Variants in CEP57 observed in about 807,000 individuals in gnomAD.
CEP57 encodes centrosomal protein of 57 kDa.
Under a neutral mutation model 68.0 loss-of-function variants are expected in CEP57, and 40 were observed. That is an observed-to-expected ratio of 0.59 (90% CI 0.46 to 0.77). The LOEUF (loss-of-function observed/expected upper bound fraction) is 0.77, where lower values mean the gene tolerates loss of function less well. CEP57 is among the 30% of genes least tolerant of loss of function. The pLI is 0.00. For missense variants in CEP57, 606 were observed against 580.7 expected (o/e 1.04, Z -0.45); for synonymous variants, 219 against 198.7 (o/e 1.10, Z -0.86).
intron 1 of CEP57, among the ~76,000 whole-genome samples, chr11:95,798,685 T>C (rs969778455): frequency 1.1e-4 from 16 of 152,248 alleles, no homozygotes; most frequent in African/African-American, 3.6e-4. Context: ...AATGGTGTAC[T>C]GTGGAAATAA....
intron 2 of CEP57, among the ~76,000 whole-genome samples, chr11:95,799,599 G>C (rs1275807491): frequency 6.6e-6 from 1 of 152,104 alleles, no homozygotes; most frequent in Non-Finnish European, 1.5e-5. Flanking sequence ...AAAACACTTT[G>C]AGTCATCAGT....
chr11:95,817,281 G>A (rs975597678), intron 4 of CEP57, among the ~76,000 whole-genome samples: 2 of 151,900 alleles, frequency 1.3e-5, no homozygotes, highest in African/African-American at 4.8e-5. Flanking sequence ...GCAGGAGAAT[G>A]GCATGAACCT....
intron 4 of CEP57, among the ~76,000 whole-genome samples, chr11:95,816,688 C>T (rs1205770457): frequency 1.3e-5 from 2 of 152,090 alleles, no homozygotes; most frequent in Non-Finnish European, 2.9e-5. Flanking sequence ...TTGCTGTAGC[C>T]TTATTTTGAA....
rs1327582682 is a variant in CEP57 at position 95,832,118 on chromosome 11, G to A, written c.*862G>A. On this transcript the variant is annotated 3_prime_UTR_variant, in exon 11 of 11. Transcript: ENST00000325542. ...CTTTTACTGGTGTACAGTATGAGTG[G>A]AATATAAACTGTACACATAATTATC... 6.6e-6 allele frequency: 1 copy of A among 151,998 alleles called. No individual in the cohort carries two copies. The highest frequency in any genetic ancestry group is 2.4e-5 in the African/African-American group (1 of 41,382). 9.4% of individuals were successfully genotyped at this position (151,998 alleles called of 1,614,324 possible).
chr11:95,790,424 G>T, upstream of CEP57: 1 of 545,514 alleles, frequency 1.8e-6, no homozygotes, highest in Non-Finnish European at 3.3e-6. Context: ...GGGAAGAGGC[G>T]GATTCTCTCC....
intron 2 of CEP57, among the ~76,000 whole-genome samples, chr11:95,811,148 C>T (rs900533870): frequency 7.2e-5 from 11 of 152,078 alleles, no homozygotes; most frequent in Middle Eastern, 3.2e-3. Flanking sequence ...ATGTTTATTG[C>T]GGCACGGTTC....
chr11:95,818,041 A>C (rs1188610420), intron 5 of CEP57, 138 bp downstream of exon 5: 1 of 661,112 alleles, frequency 1.5e-6, no homozygotes, highest in Non-Finnish European at 2.7e-6. Context: ...TTAAAAAGAA[A>C]ATATAAATTT....
chr11:95,829,864 T>G (rs1322895661), intron 10 of CEP57, among the ~76,000 whole-genome samples: 1 of 152,090 alleles, frequency 6.6e-6, no homozygotes, highest in Non-Finnish European at 1.5e-5. Flanking sequence ...GGCTGAGAGA[T>G]CAGCTATAGA....
At chr11:95,827,098 A>G (rs1374106154) in intron 8 of CEP57, 1 of 152,250 alleles carries the variant, frequency 6.6e-6, no homozygotes, top group African/African-American at 2.4e-5. Context: ...GAGCCAAGTA[A>G]GCCCAGCCAT....
intron 1 of CEP57, 103 bp downstream of exon 1, chr11:95,790,846 T>G (rs1045391290): frequency 1.7e-4 from 238 of 1,388,244 alleles, no homozygotes; most frequent in Non-Finnish European, 2.1e-4. Flanking sequence ...GACGCAATTC[T>G]GGAGGTCGGC....
intron 2 of CEP57, among the ~76,000 whole-genome samples, chr11:95,801,630 T>C (rs1861584516): frequency 1.3e-5 from 2 of 151,908 alleles, no homozygotes; most frequent in South Asian, 2.1e-4. Context: ...GTTCTGATCT[T>C]TACACCCATG....
intron 10 of CEP57, among the ~76,000 whole-genome samples, chr11:95,830,011 G>A (rs1181381651): frequency 2.0e-5 from 3 of 152,150 alleles, no homozygotes; most frequent in Non-Finnish European, 4.4e-5. Flanking sequence ...AGTTAGGATG[G>A]TGATTCCACT....
chr11:95,791,332 G>A (rs1861062979), intron 1 of CEP57, among the ~76,000 whole-genome samples: 1 of 152,154 alleles, frequency 6.6e-6, no homozygotes. Flanking sequence ...TTTTGGAGAG[G>A]CGACAGGGGG....
intron 2 of CEP57, among the ~76,000 whole-genome samples, chr11:95,805,397 T>G (rs1406902282): frequency 6.6e-6 from 1 of 152,236 alleles, no homozygotes; most frequent in Non-Finnish European, 1.5e-5. Flanking sequence ...GTCTGTTTCA[T>G]GTCTGCATTT....
rs2135378484 is a variant in CEP57, at chr11:95,829,196, G to A, written c.1137G>A (p.Gln379=). 6.2e-7 allele frequency: 1 copy of A among 1,613,854 alleles called. No homozygotes were observed. The highest frequency in any genetic ancestry group is 8.5e-7 in the Non-Finnish European group (1 of 1,179,996). ...DEFGQMSFDH[Q]QLAKLIQESP... is the part of the protein sequence containing the mutation. ...TCTGCTTTGTATATAGTGATCACCA[G>A]CAGCTTGCAAAACTTATCCAGGAGT... The change falls in exon 10 of 11, where the codon CAG becomes CAA. Residue 379 remains glutamine (Q), a synonymous_variant. Coordinates refer to ENST00000325542, the MANE Select transcript of CEP57 (RefSeq NM_014679.5).
At chr11:95,804,197 A>G (rs980777864) in intron 2 of CEP57, among the ~76,000 whole-genome samples, 2 of 152,230 alleles carry the variant, frequency 1.3e-5, no homozygotes, top group African/African-American at 2.4e-5. Context: ...GTTTACTGCC[A>G]TACAAATAAA....
chr11:95,828,038 GTTTTT>G lies in CEP57; in HGVS notation c.1127+18_1127+22del. The G allele has an allele frequency of 1.6e-6, 2 of 1,272,574 alleles. No homozygotes were observed. The highest frequency in any genetic ancestry group is 2.2e-6 in the Non-Finnish European group (2 of 925,196). 78.8% of individuals were successfully genotyped at this position (1,272,574 alleles called of 1,614,324 possible). On this transcript the variant is annotated intron_variant, in intron 9 of 10. Coordinates refer to ENST00000325542, the MANE Select transcript of CEP57 (RefSeq NM_014679.5). ...TGGGCAAATGAGCTTGTGAGTTTTT[GTTTTT>G]TTTTTTAAATTCAGTTTAGCTCTAA...
chr11:95,794,186 A>G (rs1338535290), intron 1 of CEP57: 3 of 446,790 alleles, frequency 6.7e-6, no homozygotes, highest in South Asian at 3.2e-5. Flanking sequence ...GCAAGGGGCA[A>G]CTCTAGGGCA....
chr11:95,818,119 T>G, intron 5 of CEP57: 2 of 489,984 alleles, frequency 4.1e-6, no homozygotes, highest in South Asian at 4.3e-5. Flanking sequence ...GTTAAAAAAT[T>G]AAATGTTTTT....
Sources: gnomAD v4.1 joint callset for allele counts (sites outside exome capture counted in the v4.1 genomes callset) on GRCh38, gnomAD v4.1.1 for gene constraint, MANE v1.5 for transcripts, NCBI Gene and HGNC (gene_info 2026-07-23, HGNC 2026-07-21) for gene names.